KCNMA1: variants seen among roughly 807,000 people sequenced by gnomAD.
KCNMA1 encodes the protein potassium calcium-activated channel subfamily M alpha 1, also known as Calcium-activated potassium channel subunit alpha-1.
Under a neutral mutation model 140.0 loss-of-function variants are expected in KCNMA1, and 29 were observed. The ratio of observed to expected loss-of-function variants is 0.21; its 90% CI spans 0.15 to 0.28. The LOEUF is 0.28. KCNMA1 is among the 10% of genes least tolerant of loss of function. The probability of loss-of-function intolerance (pLI) is 1.00; values close to 1 mark genes in which losing one functional copy is unlikely to be tolerated. For missense variants in KCNMA1, 880 were observed against 1,602.2 expected (o/e 0.55, Z 7.70); for synonymous variants, 612 against 611.9 (o/e 1.00, Z 0.00).
At chr10:77,315,206 T>A (rs1454201826) in intron 2 of KCNMA1, among the ~76,000 whole-genome samples, 3 of 152,218 alleles carry the variant, frequency 2.0e-5, no homozygotes, top group Admixed American at 1.3e-4. Context: ...TATTTAGCCA[T>A]GTGCCTACGT....
At chr10:77,619,950 C>T (rs2090876904) in intron 1 of KCNMA1, among the ~76,000 whole-genome samples, 2 of 152,134 alleles carry the variant, frequency 1.3e-5, no homozygotes, top group South Asian at 4.1e-4. Flanking sequence ...ATCACTGGGG[C>T]CACCCCCAGC....
At chr10:76,987,803 G>A (rs1262596252) in intron 19 of KCNMA1, among the ~76,000 whole-genome samples, 1 of 19,824 alleles carries the variant, frequency 5.0e-5, no homozygotes, top group Non-Finnish European at 6.4e-4. Context: ...AGGCCAAACT[G>A]CAAAGGCTTT....
At chr10:77,029,897 A>T (rs1281023118) in intron 15 of KCNMA1, among the ~76,000 whole-genome samples, 1 of 152,232 alleles carries the variant, frequency 6.6e-6, no homozygotes, top group Non-Finnish European at 1.5e-5. Flanking sequence ...GAGCAAGATC[A>T]TGAGGTCTTT....
intron 1 of KCNMA1, among the ~76,000 whole-genome samples, chr10:77,624,346 A>G (rs538271350): frequency 2.6e-5 from 4 of 152,338 alleles, no homozygotes; most frequent in South Asian, 2.1e-4. Context: ...TAAAACCTCA[A>G]TAGTGGTGTG....
chr10:77,158,229 A>G (rs2098510988), intron 5 of KCNMA1, among the ~76,000 whole-genome samples: 1 of 152,234 alleles, frequency 6.6e-6, no homozygotes, highest in African/African-American at 2.4e-5. Flanking sequence ...GGAGAAAATG[A>G]TACAGGCAGA....
intron 1 of KCNMA1, among the ~76,000 whole-genome samples, chr10:77,482,428 T>C (rs1250005032): frequency 2.0e-5 from 3 of 152,192 alleles, no homozygotes; most frequent in African/African-American, 7.2e-5. Flanking sequence ...GGAACCCAGA[T>C]GAACCAAAAC....
intron 1 of KCNMA1, among the ~76,000 whole-genome samples, chr10:77,482,346 T>C (rs1230836761): frequency 1.3e-5 from 2 of 152,134 alleles, no homozygotes; most frequent in East Asian, 1.9e-4. Context: ...CTTTGTAAGT[T>C]TGCAAGAGAA....
chr10:77,077,491 G>A (rs1003781244), intron 13 of KCNMA1, among the ~76,000 whole-genome samples: 4 of 152,174 alleles, frequency 2.6e-5, no homozygotes, highest in Non-Finnish European at 2.9e-5. Flanking sequence ...TGGATCCCAG[G>A]CCGGCTGAGC....
At chr10:77,132,855 G>A (rs1445117934) in intron 5 of KCNMA1, among the ~76,000 whole-genome samples, 2 of 152,056 alleles carry the variant, frequency 1.3e-5, no homozygotes, top group Non-Finnish European at 2.9e-5. Context: ...AAATCCAAAA[G>A]AAGCAAGATA....
intron 1 of KCNMA1, among the ~76,000 whole-genome samples, chr10:77,567,038 T>A (rs1440251246): frequency 1.3e-5 from 2 of 152,104 alleles, no homozygotes; most frequent in African/African-American, 4.8e-5. Context: ...TCTCTCCTCC[T>A]CTCCCTTGCT....
chr10:76,888,541 T>C (rs534274315), intron 27 of KCNMA1, among the ~76,000 whole-genome samples: 15 of 152,322 alleles, frequency 9.8e-5, no homozygotes, highest in Non-Finnish European at 1.9e-4. Context: ...GGGTATATTA[T>C]GCAAACTCAC....
chr10:77,576,531 C>G (rs970473915), intron 1 of KCNMA1, among the ~76,000 whole-genome samples: 1 of 126,054 alleles, frequency 7.9e-6, no homozygotes. Flanking sequence ...ATTTAAGTCC[C>G]CTCCACTGGA....
intron 2 of KCNMA1, among the ~76,000 whole-genome samples, chr10:77,320,109 T>C (rs2081963193): frequency 6.6e-6 from 1 of 152,208 alleles, no homozygotes; most frequent in African/African-American, 2.4e-5. Context: ...TTATGGCATC[T>C]TTTGATGGTG....
intron 3 of KCNMA1, among the ~76,000 whole-genome samples, chr10:77,214,500 T>G (rs1198214044): frequency 6.6e-6 from 1 of 152,198 alleles, no homozygotes; most frequent in African/African-American, 2.4e-5. Context: ...TGTGTTGCTA[T>G]AGCAAGCTCT....
intron 2 of KCNMA1, among the ~76,000 whole-genome samples, chr10:77,312,543 T>A (rs1565906601): frequency 6.6e-6 from 1 of 152,202 alleles, no homozygotes; most frequent in Non-Finnish European, 1.5e-5. Flanking sequence ...GGAGGACTGC[T>A]TGAACTTGGG....
chr10:77,567,355 G>C (rs527737630), intron 1 of KCNMA1, among the ~76,000 whole-genome samples: 2 of 152,192 alleles, frequency 1.3e-5, no homozygotes, highest in African/African-American at 4.8e-5. Context: ...GAGCCTCGCA[G>C]TCCAAGACTG....
At chr10:77,630,923 T>C (rs1255961006) in intron 1 of KCNMA1, among the ~76,000 whole-genome samples, 1 of 151,118 alleles carries the variant, frequency 6.6e-6, no homozygotes, top group Non-Finnish European at 1.5e-5. Flanking sequence ...CTGGGCAACA[T>C]AGGGAGACCC....
intron 1 of KCNMA1, among the ~76,000 whole-genome samples, chr10:77,536,627 A>G (rs1049750360): frequency 6.6e-5 from 10 of 152,158 alleles, no homozygotes; most frequent in Admixed American, 3.9e-4. Flanking sequence ...AGAGGTGAGT[A>G]ACTTACTCAG....
At chr10:76,883,783 T>G (rs2035658226), downstream of KCNMA1, among the ~76,000 whole-genome samples, 1 of 147,012 alleles carries the variant, frequency 6.8e-6, no homozygotes, top group Non-Finnish European at 1.5e-5. Flanking sequence ...AATAAGAAAC[T>G]TGTATGCCTA....
Sources: allele counts gnomAD v4.1 joint callset (sites outside exome capture counted in the v4.1 genomes callset), GRCh38; gene constraint gnomAD v4.1.1; transcripts MANE v1.5; gene names NCBI Gene and HGNC (gene_info 2026-07-23, HGNC 2026-07-21).